Variants in NKAIN2 observed in about 807,000 individuals in gnomAD.
NKAIN2 encodes the protein sodium/potassium transporting ATPase interacting 2.
NKAIN2 carries 14 observed loss-of-function variants against 32.6 expected under a neutral mutation model. That is an observed-to-expected ratio of 0.43 (90% CI 0.28 to 0.67). NKAIN2 has a LOEUF of 0.67. Ranked by LOEUF, NKAIN2 falls within the 30% of genes least tolerant of loss-of-function variation. NKAIN2 has a pLI of 0.17. For synonymous variants in NKAIN2, 80 were observed against 87.2 expected, an observed-to-expected ratio of 0.92 and a Z score of 0.46; for missense variants, 198 against 258.3, an observed-to-expected ratio of 0.77 and a Z score of 1.60.
chr6:124,110,774 A>G (rs1436134783), intron 1 of NKAIN2, among the ~76,000 whole-genome samples: 1 of 151,956 alleles, frequency 6.6e-6, no homozygotes, highest in Non-Finnish European at 1.5e-5. Context: ...TATGTACCAC[A>G]TTTTCTTTAT....
chr6:123,870,891 G>C (rs1037410696), intron 1 of NKAIN2, among the ~76,000 whole-genome samples: 1 of 151,972 alleles, frequency 6.6e-6, no homozygotes, highest in African/African-American at 2.4e-5. Context: ...TATATATAGA[G>C]TGTATATATA....
At chr6:124,324,412 T>TATACTC (rs1160676002) in intron 2 of NKAIN2, among the ~76,000 whole-genome samples, 2 of 152,174 alleles carry the variant, frequency 1.3e-5, no homozygotes, top group Non-Finnish European at 2.9e-5. Context: ...TTATTGCTAG[T>TATACTC]ATATAGGAAT....
intron 1 of NKAIN2, among the ~76,000 whole-genome samples, chr6:124,028,887 GTATATATATATATATACACATATA>G (rs1781266037): frequency 7.2e-4 from 32 of 44,726 alleles, no homozygotes; most frequent in South Asian, 2.0e-3. Context: ...ATATATATGT[GTATATATATATATATACACATATA>G]TGTATATATA....
intron 1 of NKAIN2, among the ~76,000 whole-genome samples, chr6:123,936,810 C>T (rs943523487): frequency 2.6e-5 from 4 of 151,976 alleles, no homozygotes; most frequent in African/African-American, 7.2e-5. Context: ...GACAGGATAA[C>T]AAAATGAATT....
intron 3 of NKAIN2, among the ~76,000 whole-genome samples, chr6:124,633,147 G>C (rs1016896180): frequency 6.6e-6 from 1 of 152,100 alleles, no homozygotes; most frequent in African/African-American, 2.4e-5. Flanking sequence ...GAATTTCCTT[G>C]AGAGGCAAGA....
rs140621585 is a variant in NKAIN2 at position 124,274,665 on chromosome 6, C to T, written c.55-8340C>T. ...GATAATGGTAGATAATCCTTGTAAA[C>T]GCATGATTTAAAAGTAAGCATTAAC... On this transcript the variant is annotated intron_variant, in intron 1 of 6. Coordinates refer to ENST00000368417, the MANE Select transcript of NKAIN2 (RefSeq NM_001040214.3). 3.5e-3 allele frequency among the ~76,000 whole-genome samples: 539 copies of T among 151,994 alleles called. 1 individual carries two copies. The highest frequency in any genetic ancestry group is 0.012 in the African/African-American group (502 of 41,478).
At chr6:124,537,548 T>C (rs1273459162) in intron 3 of NKAIN2, among the ~76,000 whole-genome samples, 2 of 152,234 alleles carry the variant, frequency 1.3e-5, no homozygotes, top group Non-Finnish European at 2.9e-5. Flanking sequence ...TATATATCTA[T>C]GTCTATCTCT....
chr6:124,139,127 G>A (rs1230129539), intron 1 of NKAIN2, among the ~76,000 whole-genome samples: 1 of 123,606 alleles, frequency 8.1e-6, no homozygotes, highest in South Asian at 2.6e-4. Flanking sequence ...TGTCGCCCAG[G>A]CCGGACTGCG....
chr6:124,798,976 G>A (rs973383796), intron 5 of NKAIN2, among the ~76,000 whole-genome samples: 1 of 152,168 alleles, frequency 6.6e-6, no homozygotes, highest in Non-Finnish European at 1.5e-5. Context: ...GAATCAATTG[G>A]ATCTCCACAA....
intron 1 of NKAIN2, among the ~76,000 whole-genome samples, chr6:124,165,803 G>T (rs1158817351): frequency 1.4e-5 from 2 of 145,658 alleles, no homozygotes; most frequent in African/African-American, 2.6e-5. Context: ...TACTGAGAAT[G>T]ATGATTTCCA....
intron 2 of NKAIN2, among the ~76,000 whole-genome samples, chr6:124,317,542 T>C (rs1270117582): frequency 6.6e-6 from 1 of 152,066 alleles, no homozygotes; most frequent in African/African-American, 2.4e-5. Context: ...CACATAAGAT[T>C]GTCTATATCA....
intron 5 of NKAIN2, among the ~76,000 whole-genome samples, chr6:124,817,584 A>G (rs920339915): frequency 6.6e-6 from 1 of 152,172 alleles, no homozygotes; most frequent in Non-Finnish European, 1.5e-5. Flanking sequence ...GAAGCCCCAT[A>G]GTGTCATTTA....
At chr6:124,498,857 A>G (rs1224249799) in intron 3 of NKAIN2, among the ~76,000 whole-genome samples, 1 of 152,170 alleles carries the variant, frequency 6.6e-6, no homozygotes, top group Non-Finnish European at 1.5e-5. Flanking sequence ...CTGCTAAAAC[A>G]TATTATTCTT....
chr6:124,393,072 A>ACTGT (rs1210803079), intron 3 of NKAIN2, among the ~76,000 whole-genome samples: 1 of 152,132 alleles, frequency 6.6e-6, no homozygotes, highest in Non-Finnish European at 1.5e-5. Flanking sequence ...GTTTCTTGTC[A>ACTGT]GATTGTTGTT....
At chr6:123,878,074 A>G (rs1319909722) in intron 1 of NKAIN2, among the ~76,000 whole-genome samples, 1 of 152,078 alleles carries the variant, frequency 6.6e-6, no homozygotes, top group East Asian at 1.9e-4. Flanking sequence ...TTAAAATCCA[A>G]AATTAGCCAG....
chr6:124,413,149 C>T (rs566804943), intron 3 of NKAIN2, among the ~76,000 whole-genome samples: 16 of 152,278 alleles, frequency 1.1e-4, no homozygotes, highest in East Asian at 3.9e-4. Context: ...CACCCTGCTT[C>T]GGCTCACACA....
At chr6:124,145,242 C>T (rs1244315873) in intron 1 of NKAIN2, among the ~76,000 whole-genome samples, 1 of 152,196 alleles carries the variant, frequency 6.6e-6, no homozygotes, top group Non-Finnish European at 1.5e-5. Context: ...AAACATACAA[C>T]TACCACACAA....
intron 1 of NKAIN2, among the ~76,000 whole-genome samples, chr6:124,193,909 G>A (rs1156936916): frequency 6.6e-6 from 1 of 152,104 alleles, no homozygotes; most frequent in African/African-American, 2.4e-5. Context: ...CTAGCAGAGA[G>A]GAGACCCTGG....
chr6:124,684,143 T>G (rs1317238344), intron 4 of NKAIN2, among the ~76,000 whole-genome samples: 1 of 152,200 alleles, frequency 6.6e-6, no homozygotes, highest in Non-Finnish European at 1.5e-5. Flanking sequence ...TAACATTGGT[T>G]ACACCTGCAA....
Sources: allele counts gnomAD v4.1 joint callset (sites outside exome capture counted in the v4.1 genomes callset), GRCh38; gene constraint gnomAD v4.1.1; transcripts MANE v1.5; gene names NCBI Gene and HGNC (gene_info 2026-07-23, HGNC 2026-07-21).